The following PRRC2A variants were observed in gnomAD, a reference collection of about 807,000 sequenced individuals.
PRRC2A encodes the protein proline rich coiled-coil 2A.
Under a neutral mutation model 224.6 loss-of-function variants are expected in PRRC2A, and 59 were observed. That is an observed-to-expected ratio of 0.26 (90% CI 0.21 to 0.33). The LOEUF is 0.33. Among genes scored for constraint, PRRC2A ranks in the 10% least tolerant of loss-of-function variants. PRRC2A has a pLI of 1.00. For missense variants in PRRC2A, 3,095 were observed against 2,880.7 expected, an observed-to-expected ratio of 1.07 and a Z score of -1.70; for synonymous variants, 1,194 against 1,109.5, an observed-to-expected ratio of 1.08 and a Z score of -1.51.
In PRRC2A at chr6:31,632,934, G is replaced by A; in HGVS notation, c.4261G>A (p.Gly1421Arg). ...TGGAGGAGGCGGTGGGGGTCCTGGAGGAAGGACCGGGCCAGGACGAGGCGA... is the reference window on the plus strand; with the variant it reads ...TGGAGGAGGCGGTGGGGGTCCTGGAAGAAGGACCGGGCCAGGACGAGGCGA... ...SSGGGGGGPG[G>R]RTGPGRGDKR... The change falls in exon 16 of 31, where the codon GGA becomes AGA. Residue 1421 changes from glycine to arginine, a missense_variant. Physicochemically the swap from Gly to Arg is moderately radical, Grantham distance 125. Around this residue, in one of 8 missense-constraint regions of PRRC2A, gnomAD observed 2,001 missense variants for 1,764.9 expected, o/e 1.13. Transcript: ENST00000376033. 6.2e-7 allele frequency: 1 copy of A among 1,611,944 alleles called. No individual in the cohort carries two copies. The highest frequency in any genetic ancestry group is 8.5e-7 in the Non-Finnish European group (1 of 1,179,444).
In PRRC2A at chr6:31,636,741, A is replaced by G; in HGVS notation, c.5943A>G (p.Leu1981=). 1 of 1,607,020 alleles carries G rather than the reference A, an allele frequency of 6.2e-7. No individual in the cohort carries two copies. Among genetic ancestry groups the G allele is most frequent in the East Asian group, 2.2e-5 (1 of 44,870 alleles). ...CAAATTTCTTGTTACAGATGCTTCTACCCATGGTAGACTCACAGCTGCCTG... is the reference window on the plus strand; with the variant it reads ...CAAATTTCTTGTTACAGATGCTTCTGCCCATGGTAGACTCACAGCTGCCTG... ...PSGAPAQQML[L]PMVDSQLPVV... Residue 1981 remains leucine (L), a synonymous_variant, in exon 28 of 31, where the codon CTA becomes CTG. Transcript: ENST00000376033. The surrounding 1 kb of genome is among the most constrained non-coding windows in gnomAD (Gnocchi z 4.3).
In PRRC2A at chr6:31,631,816, G is replaced by T; in HGVS notation, c.3143G>T (p.Gly1048Val). 1.3e-6 allele frequency: 2 copies of T among 1,593,604 alleles called. No individual in the cohort carries two copies. Among genetic ancestry groups the T allele is most frequent in the Non-Finnish European group, 1.7e-6 (2 of 1,168,208 alleles). The change falls in exon 16 of 31, where the codon GGA (glycine) becomes GTA (valine). Residue 1048 changes from glycine to valine, a missense_variant. This residue lies in a region of PRRC2A where 2,001 missense variants were observed against 1,764.9 expected (regional missense o/e 1.13). Transcript: ENST00000376033. This position sits in a 1 kb window ranked among gnomAD's most constrained non-coding sequence, Gnocchi z 4.5. The part of the protein sequence containing the change: ...FRGTYGGRGR[G>V]ARSREFRSYR... ...GGGACCTATGGGGGACGAGGGCGGGGAGCCCGAAGCCGGGAATTCCGCAGT... is the reference window on the plus strand; with the variant it reads ...GGGACCTATGGGGGACGAGGGCGGGTAGCCCGAAGCCGGGAATTCCGCAGT...
At position 31,633,389 on chromosome 6, in the gene PRRC2A, G is replaced by C; in HGVS notation, c.4330G>C (p.Glu1444Gln). ...CTCTGTTTTCTCCAGTCGTCCTCCA[G>C]AGGAGCGTCCCCCGGGGCTTCCCCT... is the stretch of plus-strand genomic sequence containing the variant. ...PSPKNRSRPP[E>Q]ERPPGLPLPP... Residue 1444 changes from glutamate to glutamine, a missense_variant, in exon 17 of 31, where the codon GAG becomes CAG. Physicochemically the swap from Glu to Gln is conservative, Grantham distance 29. Coordinates refer to ENST00000376033, the MANE Select transcript of PRRC2A (RefSeq NM_004638.4). 1 of 1,612,704 alleles carries C rather than the reference G, an allele frequency of 6.2e-7. No individual in the cohort carries two copies. The highest frequency in any genetic ancestry group is 8.5e-7 in the Non-Finnish European group (1 of 1,179,782).
At chr6:31,626,392 A>C (rs1193753531) in intron 9 of PRRC2A, among the ~76,000 whole-genome samples, 2 of 146,766 alleles carry the variant, frequency 1.4e-5, no homozygotes, top group East Asian at 2.0e-4. Context: ...CCACCTCTAC[A>C]AAAAAAAAAA....
rs997420874 is a variant in PRRC2A at position 31,631,955 on chromosome 6, T to C, written c.3282T>C (p.Tyr1094=). ...AGACACGGAGCGAGGGTTCAGAGTA[T>C]GAGGAAATCCCCAAGCGGCGCCGGC... The part of the protein sequence containing the change: ...ASETRSEGSE[Y]EEIPKRRRQR... The change falls in exon 16 of 31, where the codon TAT becomes TAC. Residue 1094 remains tyrosine (Y), a synonymous_variant. Coordinates refer to ENST00000376033, the MANE Select transcript of PRRC2A (RefSeq NM_004638.4). The surrounding 1 kb of genome is among the most constrained non-coding windows in gnomAD (Gnocchi z 4.5). 3 of 1,612,310 alleles carry C rather than the reference T, an allele frequency of 1.9e-6. No homozygotes were observed. Among genetic ancestry groups the C allele is most frequent in the Non-Finnish European group, 2.5e-6 (3 of 1,179,784 alleles).
At chr6:31,624,659 C>A in intron 5 of PRRC2A, 137 bp downstream of exon 5, 1 of 972,146 alleles carries the variant, frequency 1.0e-6, no homozygotes, top group Non-Finnish European at 1.6e-6. Context: ...CATGGAGGCA[C>A]ATGAGCAAGT....
rs757706438 is a variant in PRRC2A at position 31,623,821 on chromosome 6, G to A, written c.202G>A (p.Glu68Lys). 4 of 1,614,188 alleles carry A rather than the reference G, an allele frequency of 2.5e-6. No individual in the cohort carries two copies. The highest frequency in any genetic ancestry group is 3.4e-6 in the Non-Finnish European group (4 of 1,180,030). The change falls in exon 3 of 31, where the codon GAG becomes AAG. Residue 68 changes from glutamate to lysine, a missense_variant. Transcript: ENST00000376033. ...AGCCAACCTTCCAAGCCTGAAAGCC[G>A]AGAACAAAGGCAATGACCCCAATGT... ...PPANLPSLKA[E>K]NKGNDPNVSL...
Position 31,631,813 on chromosome 6 carries a change from G to C in PRRC2A, c.3140G>C (p.Arg1047Pro). The C allele has an allele frequency of 6.3e-7, 1 of 1,591,964 alleles. No homozygotes were observed. Among genetic ancestry groups the C allele is most frequent in the Non-Finnish European group, 8.6e-7 (1 of 1,167,346 alleles). ...CGGGGGACCTATGGGGGACGAGGGC[G>C]GGGAGCCCGAAGCCGGGAATTCCGC... Reference protein sequence around the residue: ...GFRGTYGGRGRGARSREFRSY... With the variant: ...GFRGTYGGRGPGARSREFRSY... Residue 1047 changes from arginine to proline, a missense_variant, in exon 16 of 31, where the codon CGG (arginine) becomes CCG (proline). This residue lies in a region of PRRC2A where 2,001 missense variants were observed against 1,764.9 expected (regional missense o/e 1.13). Coordinates refer to ENST00000376033, the MANE Select transcript of PRRC2A (RefSeq NM_004638.4). The surrounding 1 kb of genome is among the most constrained non-coding windows in gnomAD (Gnocchi z 4.5).
intron 2 of PRRC2A, 140 bp from the exon 3 acceptor site, chr6:31,623,592 G>A: frequency 3.0e-6 from 3 of 987,598 alleles, no homozygotes; most frequent in Non-Finnish European, 4.4e-6. Flanking sequence ...ATTAAGGGCA[G>A]GGGAAGGAAT....
rs1394014556 is a variant in PRRC2A at position 31,637,597 on chromosome 6, C to G, written c.*11C>G. 2 of 1,325,198 alleles carry G rather than the reference C, an allele frequency of 1.5e-6. No homozygotes were observed. The highest frequency in any genetic ancestry group is 3.1e-5 in the African/African-American group (2 of 64,108). 82.1% of individuals were successfully genotyped at this position (1,325,198 alleles called of 1,614,324 possible). A position where few individuals can be genotyped will look rare whatever the true frequency, so the allele number is the denominator to read the frequency against. On this transcript the variant is annotated 3_prime_UTR_variant, in exon 31 of 31. Coordinates refer to ENST00000376033, the MANE Select transcript of PRRC2A (RefSeq NM_004638.4). Reference sequence around the variant, plus strand: ...CCCCCACCCCGCTGAGGGAGTTCCTCTTGCCCCCTACCCCCGGGGCTTGTA... The same window carrying G: ...CCCCCACCCCGCTGAGGGAGTTCCTGTTGCCCCCTACCCCCGGGGCTTGTA...
chr6:31,624,746 G>A (rs1003243989), intron 5 of PRRC2A, among the ~76,000 whole-genome samples: 4 of 152,190 alleles, frequency 2.6e-5, no homozygotes, highest in Admixed American at 2.6e-4. Context: ...TTATTCTGTA[G>A]GGGGGTGAGT....
chr6:31,632,760 C>G lies in PRRC2A; in HGVS notation c.4087C>G (p.Pro1363Ala). ...TGGGGGAGGTGGAGGTGGAGCCGTA[C>G]CAGGTATTTCAGCCATGTCCCGCGG... ...TPGGGGGGAVPGISAMSRGDL... is the reference protein window; with the variant it reads ...TPGGGGGGAVAGISAMSRGDL... The change falls in exon 16 of 31, where the codon CCA becomes GCA. Residue 1363 changes from proline to alanine, a missense_variant. By Grantham distance (27) the Pro-to-Ala change is conservative. Coordinates refer to ENST00000376033, the MANE Select transcript of PRRC2A (RefSeq NM_004638.4). 4.3e-6 allele frequency: 7 copies of G among 1,613,080 alleles called. No individual in the cohort carries two copies. The highest frequency in any genetic ancestry group is 5.9e-6 in the Non-Finnish European group (7 of 1,180,000).
rs1186058825 is a variant in PRRC2A at position 31,633,326 on chromosome 6, G to A, written c.4320-53G>A. 2.5e-6 allele frequency: 4 copies of A among 1,570,022 alleles called. No homozygotes were observed. In the African/African-American group the frequency reaches 4.1e-5, roughly 16 times the overall value. ...GCAGAAGTTGGGAAACATAACTTGTGGGAAAAAGTAACGATTTAGTGGATA... is the reference window on the plus strand; with the variant it reads ...GCAGAAGTTGGGAAACATAACTTGTAGGAAAAAGTAACGATTTAGTGGATA... On this transcript the variant is annotated intron_variant, in intron 16 of 30. Coordinates refer to ENST00000376033, the MANE Select transcript of PRRC2A (RefSeq NM_004638.4).
Position 31,622,775 on chromosome 6 carries a change from T to G in PRRC2A, c.-15T>G. 261 of 1,603,458 alleles carry G rather than the reference T, an allele frequency of 1.6e-4. No individual in the cohort carries two copies. Among genetic ancestry groups the G allele is most frequent in the Non-Finnish European group, 2.0e-4 (239 of 1,172,884 alleles). ...TGCCTGCAGGACCCAACATACTCAA[T>G]GAGCTTCCAGCGCAATGTCCGATCG... On this transcript the variant is annotated 5_prime_UTR_variant, in exon 2 of 31. It removes an upstream start codon present in the reference 5' UTR. Coordinates refer to ENST00000376033, the MANE Select transcript of PRRC2A (RefSeq NM_004638.4).
At position 31,634,396 on chromosome 6, in the gene PRRC2A, A is replaced by G. The variant is rs924086053; in HGVS notation, c.4849+31A>G. 3.1e-6 allele frequency: 5 copies of G among 1,611,728 alleles called. No individual in the cohort carries two copies. In the African/African-American group the frequency reaches 6.7e-5, roughly 22 times the overall value. ...TAAAGCTGAGTGAAAGGACTATGGT[A>G]GAAGGGTTAAGAATGAGAGGGGCTT... On this transcript the variant is annotated intron_variant, in intron 19 of 30. Coordinates refer to ENST00000376033, the MANE Select transcript of PRRC2A (RefSeq NM_004638.4).
rs1776118407 is a variant in PRRC2A, at chr6:31,628,064, A to C, written c.1590A>C (p.Ala530=). 6.2e-7 allele frequency: 1 copy of C among 1,612,768 alleles called. No homozygotes were observed. Among genetic ancestry groups the C allele is most frequent in the Non-Finnish European group, 8.5e-7 (1 of 1,179,902 alleles). Residue 530 remains alanine, a synonymous_variant, in exon 12 of 31, where the codon GCA becomes GCC. Coordinates refer to ENST00000376033, the MANE Select transcript of PRRC2A (RefSeq NM_004638.4). ...CTGCAGTCCCTAAAGAACTCCCTGC[A>C]CCTCCAGCTCCACCTCCAGCATCAG... ...PPPAVPKELP[A]PPAPPPASAP...
At chr6:31,628,834 CTG>C (rs1776208394) in intron 12 of PRRC2A, 1 of 359,522 alleles carries the variant, frequency 2.8e-6, no homozygotes, top group Non-Finnish European at 5.0e-6. Flanking sequence ...GAGCAAGACT[CTG>C]TCTCAAAAAA....
chr6:31,633,425 C>G lies in PRRC2A; in HGVS notation c.4366C>G (p.Pro1456Ala). ...CCCGGGGCTTCCCCTGCCTCCCCCA[C>G]CTCCCAGCAGTTCTGCTGTCTTCCG... ...RPPGLPLPPP[P>A]PSSSAVFRLD... The change falls in exon 17 of 31, where the codon CCT (proline) becomes GCT (alanine). Residue 1456 changes from proline (P) to alanine (A), a missense_variant. Physicochemically the swap from Pro to Ala is conservative, Grantham distance 27 (BLOSUM62 -1). Transcript: ENST00000376033. 6.2e-7 allele frequency: 1 copy of G among 1,613,056 alleles called. No homozygotes were observed.
rs1776445060 is a variant in PRRC2A, at chr6:31,630,639, C to T, written c.2303C>T (p.Pro768Leu). ...GACAGTGGGGGCTCAAGCTCAGAGCCATTTGACCGTCATGCACCTGCTATG... is the reference window on the plus strand; with the variant it reads ...GACAGTGGGGGCTCAAGCTCAGAGCTATTTGACCGTCATGCACCTGCTATG... ...RSDSGGSSSEPFDRHAPAMLR... is the reference protein window; with the variant it reads ...RSDSGGSSSELFDRHAPAMLR... The change falls in exon 15 of 31, where the codon CCA (proline) becomes CTA (leucine). Residue 768 changes from proline (P) to leucine (L), a missense_variant. Transcript: ENST00000376033. The T allele has an allele frequency of 1.9e-6, 3 of 1,614,098 alleles. No individual in the cohort carries two copies. Among genetic ancestry groups the T allele is most frequent in the East Asian group, 2.2e-5 (1 of 44,878 alleles).
Sources: gnomAD v4.1 joint callset for allele counts (sites outside exome capture counted in the v4.1 genomes callset) on GRCh38, gnomAD v4.1.1 for gene constraint, gnomAD v4.1.1 regional missense constraint, Gnocchi (gnomAD v3.1) non-coding constraint, MANE v1.5 for transcripts, NCBI Gene and HGNC (gene_info 2026-07-23, HGNC 2026-07-21) for gene names.